ABCC4: variants seen among roughly 807,000 people sequenced by gnomAD.
ABCC4 encodes the protein ATP binding cassette subfamily C member 4 (PEL blood group), also known as ATP-binding cassette sub-family C member 4.
A neutral mutation model predicts 168.5 loss-of-function variants in ABCC4; 102 were observed. The ratio of observed to expected loss-of-function variants is 0.61; its 90% CI spans 0.52 to 0.71. The LOEUF is 0.71. Ranked by LOEUF, ABCC4 falls within the 30% of genes least tolerant of loss-of-function variation. ABCC4 has a pLI of 0.00. For missense variants in ABCC4, 1,402 were observed against 1,605.8 expected (o/e 0.87, Z 2.17); for synonymous variants, 617 against 590.7 (o/e 1.04, Z -0.65).
chr13:95,259,394 A>G (rs1289072061), intron 1 of ABCC4, among the ~76,000 whole-genome samples: 2 of 149,488 alleles, frequency 1.3e-5, no homozygotes, highest in African/African-American at 5.0e-5. Flanking sequence ...AAAAAAAAAA[A>G]GGAAGAAAAA....
chr13:95,136,644 T>C (rs1007089425), intron 19 of ABCC4, among the ~76,000 whole-genome samples: 1 of 152,128 alleles, frequency 6.6e-6, no homozygotes, highest in African/African-American at 2.4e-5. Flanking sequence ...CCTCTACAAA[T>C]AGCATGCTAA....
intron 1 of ABCC4, among the ~76,000 whole-genome samples, chr13:95,270,240 A>C (rs974787803): frequency 2.0e-5 from 3 of 152,040 alleles, no homozygotes; most frequent in African/African-American, 7.2e-5. Flanking sequence ...TATTTTCTCT[A>C]ATCAACAATG....
chr13:95,202,470 A>G (rs1217854531), intron 8 of ABCC4, among the ~76,000 whole-genome samples: 2 of 152,098 alleles, frequency 1.3e-5, no homozygotes, highest in Non-Finnish European at 2.9e-5. Flanking sequence ...CAATCCCCTT[A>G]TTTAAAGACA....
intron 13 of ABCC4, among the ~76,000 whole-genome samples, chr13:95,172,789 A>G (rs1189460): frequency 0.73 from 110,026 of 151,648 alleles, 40,148 homozygotes; most frequent in Non-Finnish European, 0.76. Context: ...AAACTTAGCC[A>G]GGAGTGGTGG....
chr13:95,115,267 T>C (rs1230912804), intron 20 of ABCC4, among the ~76,000 whole-genome samples: 1 of 63,364 alleles, frequency 1.6e-5, no homozygotes, highest in East Asian at 4.2e-4. Flanking sequence ...TTCTGTAGGA[T>C]TGTTGGTTTT....
intron 4 of ABCC4, 116 bp from the exon 5 acceptor site, chr13:95,210,897 G>A: frequency 1.6e-6 from 1 of 644,316 alleles, no homozygotes. Flanking sequence ...CTAAGCACAA[G>A]CATCCCCACC....
intron 14 of ABCC4, among the ~76,000 whole-genome samples, chr13:95,169,811 G>C (rs2037405000): frequency 6.6e-6 from 1 of 152,156 alleles, no homozygotes; most frequent in African/African-American, 2.4e-5. Context: ...GCTGTGACTA[G>C]GGGTTGCTCA....
chr13:95,114,909 T>C (rs1428013665), intron 20 of ABCC4, among the ~76,000 whole-genome samples: 1 of 152,170 alleles, frequency 6.6e-6, no homozygotes, highest in Non-Finnish European at 1.5e-5. Flanking sequence ...ACCCCAACTG[T>C]AGTATTTCTA....
rs1025150120 is a variant in ABCC4, at chr13:95,222,923, G to T, written c.531+11687C>A. 2.6e-5 allele frequency among the ~76,000 whole-genome samples: 4 copies of T among 152,048 alleles called. No homozygotes were observed. In the South Asian group the frequency reaches 8.3e-4, roughly 32 times the overall value. On this transcript the variant is annotated intron_variant, in intron 4 of 30. Transcript: ENST00000645237. ...TGCTGTTCAACATCTTACAATGCAC[G>T]GAGCAGCCTCTCCATCCCCAAAAAG...
chr13:95,296,678 T>G (rs2041543941), intron 1 of ABCC4, among the ~76,000 whole-genome samples: 1 of 152,186 alleles, frequency 6.6e-6, no homozygotes, highest in Admixed American at 6.5e-5. Flanking sequence ...TCCACCCTGC[T>G]GCTGACCCCA....
intron 19 of ABCC4, among the ~76,000 whole-genome samples, chr13:95,138,522 AT>A (rs1484074264): frequency 6.6e-6 from 1 of 152,192 alleles, no homozygotes. Context: ...AAATAAGTTC[AT>A]GTTTAAAACA....
chr13:95,080,140 T>C (rs28375400), intron 21 of ABCC4, among the ~76,000 whole-genome samples: 2 of 152,160 alleles, frequency 1.3e-5, no homozygotes, highest in African/African-American at 2.4e-5. Context: ...ACAAAGTCCC[T>C]GGGAATCTAG....
intron 4 of ABCC4, among the ~76,000 whole-genome samples, chr13:95,232,267 C>A (rs1040663729): frequency 6.6e-6 from 1 of 152,068 alleles, no homozygotes; most frequent in Admixed American, 6.6e-5. Context: ...CACTAAGACA[C>A]GAGGCCTCCA....
rs1015859593 is a variant in ABCC4, at chr13:95,150,375, T to A, written c.2455+10814A>T. 7.9e-5 allele frequency among the ~76,000 whole-genome samples: 12 copies of A among 152,292 alleles called. No individual in the cohort carries two copies. The South Asian group carries it at 1.7e-3, about 21-fold the overall frequency. On this transcript the variant is annotated intron_variant, in intron 19 of 30. Transcript: ENST00000645237. ...GGTGCTGGAACATTTGCCTATGTGA[T>A]ATAATCTATTAAAATGCAAATGCAA...
chr13:95,104,515 C>T (rs1279219744), intron 20 of ABCC4, among the ~76,000 whole-genome samples: 3 of 152,302 alleles, frequency 2.0e-5, no homozygotes, highest in Admixed American at 1.3e-4. Flanking sequence ...GCACACAATC[C>T]TATTTTCCTC....
chr13:95,096,027 T>C (rs1382386392), intron 20 of ABCC4: 2 of 410,262 alleles, frequency 4.9e-6, no homozygotes, highest in Non-Finnish European at 8.6e-6. Context: ...GAAAATTCTA[T>C]AAACAAAAAT....
At chr13:95,193,451 C>T (rs1344468569) in intron 9 of ABCC4, among the ~76,000 whole-genome samples, 1 of 152,182 alleles carries the variant, frequency 6.6e-6, no homozygotes, top group Non-Finnish European at 1.5e-5. Context: ...TCTCCAGCCC[C>T]GGGGTGCAGC....
intron 25 of ABCC4, among the ~76,000 whole-genome samples, chr13:95,063,703 G>C (rs1453336449): frequency 6.6e-6 from 1 of 152,242 alleles, no homozygotes; most frequent in Non-Finnish European, 1.5e-5. Flanking sequence ...AAGACAGAGA[G>C]AAATGAAGTG....
chr13:95,232,819 CCTT>C (rs2039661348), intron 4 of ABCC4, among the ~76,000 whole-genome samples: 1 of 152,188 alleles, frequency 6.6e-6, no homozygotes, highest in African/African-American at 2.4e-5. Context: ...AAATCCCACT[CCTT>C]CTATAACAGT....
Sources: gnomAD v4.1 joint callset for allele counts (sites outside exome capture counted in the v4.1 genomes callset) on GRCh38, gnomAD v4.1.1 for gene constraint, MANE v1.5 for transcripts, NCBI Gene and HGNC (gene_info 2026-07-23, HGNC 2026-07-21) for gene names.